Variants in ERBB4 observed in about 807,000 individuals in gnomAD.
The protein encoded by ERBB4 is receptor tyrosine-protein kinase erbB-4.
Under a neutral mutation model 158.0 loss-of-function variants are expected in ERBB4, and 42 were observed. The observed-to-expected ratio is 0.27, with a 90% CI of 0.21 to 0.34. ERBB4 has a LOEUF of 0.34. Ranked by LOEUF, ERBB4 falls within the 10% of genes least tolerant of loss-of-function variation. The probability of loss-of-function intolerance (pLI) is 1.00; values close to 1 mark genes in which losing one functional copy is unlikely to be tolerated. For synonymous variants in ERBB4, 583 were observed against 558.7 expected (o/e 1.04, Z -0.61); for missense variants, 1,333 against 1,624.1 (o/e 0.82, Z 3.08).
At chr2:211,503,390 G>T (rs925761390) in intron 20 of ERBB4, among the ~76,000 whole-genome samples, 12 of 152,108 alleles carry the variant, frequency 7.9e-5, no homozygotes, top group African/African-American at 2.7e-4. Context: ...GAACTGAGGA[G>T]CATCTGAACC....
chr2:212,450,007 G>A (rs2092421989), intron 1 of ERBB4, among the ~76,000 whole-genome samples: 1 of 152,002 alleles, frequency 6.6e-6, no homozygotes, highest in African/African-American at 2.4e-5. Flanking sequence ...ATACACTAAC[G>A]TGTTTAAAAA....
chr2:211,464,403 A>G (rs1242853322), intron 20 of ERBB4, among the ~76,000 whole-genome samples: 1 of 152,202 alleles, frequency 6.6e-6, no homozygotes, highest in Non-Finnish European at 1.5e-5. Flanking sequence ...GAAAAATATA[A>G]TTACAGGTAT....
At chr2:212,092,150 T>C (rs189821364) in intron 2 of ERBB4, among the ~76,000 whole-genome samples, 161 of 152,340 alleles carry the variant, frequency 1.1e-3, no homozygotes, top group African/African-American at 3.8e-3. Context: ...ATTATGATCA[T>C]TGTGTGTACA....
At chr2:212,425,213 T>C (rs2105918291) in intron 1 of ERBB4, among the ~76,000 whole-genome samples, 1 of 150,814 alleles carries the variant, frequency 6.6e-6, no homozygotes, top group South Asian at 2.1e-4. Context: ...TAAACTTTAG[T>C]CTGACAATAT....
intron 2 of ERBB4, among the ~76,000 whole-genome samples, chr2:212,032,380 C>A (rs2076923035): frequency 6.6e-6 from 1 of 151,852 alleles, no homozygotes; most frequent in Non-Finnish European, 1.5e-5. Context: ...TTAAATTGGC[C>A]ACTAATAAAC....
intron 2 of ERBB4, among the ~76,000 whole-genome samples, chr2:212,052,350 T>A (rs912153393): frequency 6.6e-6 from 1 of 152,176 alleles, no homozygotes; most frequent in African/African-American, 2.4e-5. Context: ...TTTGAGATTT[T>A]GGGGCTCAGA....
intron 3 of ERBB4, among the ~76,000 whole-genome samples, chr2:211,852,293 T>C (rs185681506): frequency 1.3e-3 from 202 of 152,090 alleles, no homozygotes; most frequent in African/African-American, 4.7e-3. Flanking sequence ...AAAAAATGAC[T>C]TGGGGCCAGT....
intron 1 of ERBB4, chr2:212,429,210 T>G (rs1560296349): frequency 6.6e-6 from 1 of 152,140 alleles, no homozygotes; most frequent in Non-Finnish European, 1.5e-5. Context: ...AGACACAGAT[T>G]AAGAAGATCT....
chr2:212,486,927 C>T (rs746611748), intron 1 of ERBB4, among the ~76,000 whole-genome samples: 1 of 152,116 alleles, frequency 6.6e-6, no homozygotes, highest in Non-Finnish European at 1.5e-5. Context: ...TATACTACTA[C>T]ATTAAAAATA....
intron 3 of ERBB4, among the ~76,000 whole-genome samples, chr2:211,886,479 C>A (rs1469294812): frequency 6.6e-6 from 1 of 152,078 alleles, no homozygotes; most frequent in Non-Finnish European, 1.5e-5. Flanking sequence ...TATGTGAATT[C>A]TATAATTTCT....
At chr2:212,308,526 A>G (rs1343162909) in intron 1 of ERBB4, among the ~76,000 whole-genome samples, 1 of 150,996 alleles carries the variant, frequency 6.6e-6, no homozygotes, top group Non-Finnish European at 1.5e-5. Context: ...ACCAGAATTT[A>G]TTTGAAGTTA....
chr2:212,232,854 G>C (rs955662471), intron 1 of ERBB4, among the ~76,000 whole-genome samples: 18 of 152,160 alleles, frequency 1.2e-4, no homozygotes, highest in Non-Finnish European at 2.2e-4. Flanking sequence ...AAGAAAACAG[G>C]GTAAGATCCC....
At chr2:211,741,452 T>TACAC (rs5838279) in intron 5 of ERBB4, among the ~76,000 whole-genome samples, 28,493 of 143,078 alleles carry the variant, frequency 0.2, 3,173 homozygotes, top group East Asian at 0.27. Context: ...TATGTAGTTA[T>TACAC]ACACACACAC....
At chr2:211,865,900 G>A (rs952239857) in intron 3 of ERBB4, among the ~76,000 whole-genome samples, 3 of 152,024 alleles carry the variant, frequency 2.0e-5, no homozygotes, top group Non-Finnish European at 4.4e-5. Flanking sequence ...ATTCTTTAAA[G>A]TGTAAAATAA....
chr2:211,958,628 A>T (rs1259893323), intron 2 of ERBB4, among the ~76,000 whole-genome samples: 1 of 152,092 alleles, frequency 6.6e-6, no homozygotes, highest in African/African-American at 2.4e-5. Flanking sequence ...AAACAACAAC[A>T]AGATCGCTCT....
At chr2:211,442,062 A>T (rs2063991040) in intron 20 of ERBB4, among the ~76,000 whole-genome samples, 1 of 152,090 alleles carries the variant, frequency 6.6e-6, no homozygotes, top group South Asian at 2.1e-4. Flanking sequence ...GTAGCCAAAA[A>T]AGCCCACAAG....
At chr2:211,920,880 G>A (rs1175575406) in intron 3 of ERBB4, among the ~76,000 whole-genome samples, 1 of 151,776 alleles carries the variant, frequency 6.6e-6, no homozygotes, top group Non-Finnish European at 1.5e-5. Flanking sequence ...AACAGAGTGT[G>A]TTAAAGTACA....
chr2:211,997,676 C>T (rs2082231687), intron 2 of ERBB4, among the ~76,000 whole-genome samples: 1 of 151,972 alleles, frequency 6.6e-6, no homozygotes, highest in African/African-American at 2.4e-5. Flanking sequence ...CCCGCTCCCT[C>T]TCCCCTTCTT....
chr2:211,440,562 G>C (rs1177328075), intron 20 of ERBB4, among the ~76,000 whole-genome samples: 1 of 152,144 alleles, frequency 6.6e-6, no homozygotes, highest in Non-Finnish European at 1.5e-5. Context: ...TGGTTTCACA[G>C]AATTGCATGC....
Sources: allele counts gnomAD v4.1 joint callset (sites outside exome capture counted in the v4.1 genomes callset), GRCh38; gene constraint gnomAD v4.1.1; transcripts MANE v1.5; gene names NCBI Gene and HGNC (gene_info 2026-07-23, HGNC 2026-07-21).